The following ABI1 variants were observed in gnomAD, a reference collection of about 807,000 sequenced individuals.
The protein encoded by ABI1 is abl interactor 1.
ABI1 carries 14 observed loss-of-function variants against 54.6 expected under a neutral mutation model. That is an observed-to-expected ratio of 0.26 (90% CI 0.17 to 0.40). The LOEUF (loss-of-function observed/expected upper bound fraction) is 0.40. ABI1 is among the 10% of genes least tolerant of loss of function. The pLI is 1.00. For synonymous variants in ABI1, 194 were observed against 209.3 expected, an observed-to-expected ratio of 0.93 and a Z score of 0.63; for missense variants, 443 against 598.3, an observed-to-expected ratio of 0.74 and a Z score of 2.71.
At chr10:26,755,122 G>C (rs1463949044) in intron 9 of ABI1, among the ~76,000 whole-genome samples, 1 of 152,034 alleles carries the variant, frequency 6.6e-6, no homozygotes, top group Non-Finnish European at 1.5e-5. Flanking sequence ...ACTTATTCCT[G>C]GTCATTCAAT....
chr10:26,857,176 C>A (rs2050886356), intron 1 of ABI1, among the ~76,000 whole-genome samples: 1 of 151,862 alleles, frequency 6.6e-6, no homozygotes, highest in Non-Finnish European at 1.5e-5. Flanking sequence ...AAAAAATTAG[C>A]CAAGCGTGGT....
At chr10:26,771,212 G>A in intron 3 of ABI1, 123 bp from the exon 4 acceptor site, 1 of 991,990 alleles carries the variant, frequency 1.0e-6, no homozygotes, top group South Asian at 1.4e-5. Flanking sequence ...TTCCAGCCAT[G>A]TTTCAACTAC....
In ABI1 at chr10:26,849,955, C is replaced by T. The variant is rs191458500; in HGVS notation, c.117+10792G>A. Among the ~76,000 whole-genome samples the T allele has an allele frequency of 1.2e-3, 180 of 152,224 alleles. 1 individual carries two copies. The South Asian group carries it at 0.015, about 13-fold the overall frequency. On this transcript the variant is annotated intron_variant, in intron 1 of 10. Transcript: ENST00000376140. ...TATTTATTGATATAGTTTCAGAGTCCACACTGTAACTAACCTTTAAGAAAC... is the reference window on the plus strand; with the variant it reads ...TATTTATTGATATAGTTTCAGAGTCTACACTGTAACTAACCTTTAAGAAAC...
chr10:26,818,711 G>A (rs896455114), intron 2 of ABI1, among the ~76,000 whole-genome samples: 6 of 151,282 alleles, frequency 4.0e-5, no homozygotes, highest in African/African-American at 7.3e-5. Context: ...CAAGCCAGGC[G>A]TGGCGACTTA....
At chr10:26,821,006 G>C (rs969502974) in intron 2 of ABI1, among the ~76,000 whole-genome samples, 16 of 151,528 alleles carry the variant, frequency 1.1e-4, no homozygotes, top group African/African-American at 3.6e-4. Context: ...ACTTCGGGAG[G>C]CCAAGGCAGG....
intron 7 of ABI1, 92 bp downstream of exon 7, chr10:26,765,126 A>T (rs1839762861): frequency 2.3e-6 from 2 of 878,320 alleles, no homozygotes; most frequent in East Asian, 5.6e-5. Flanking sequence ...TTAATTAATA[A>T]TTTTACTCAA....
At chr10:26,828,407 A>T (rs1035151078) in intron 1 of ABI1, among the ~76,000 whole-genome samples, 3 of 152,234 alleles carry the variant, frequency 2.0e-5, no homozygotes, top group African/African-American at 7.2e-5. Context: ...CCCTTAGAAA[A>T]ACGGCACCAA....
At chr10:26,818,520 G>C (rs1460813493) in intron 2 of ABI1, among the ~76,000 whole-genome samples, 1 of 150,280 alleles carries the variant, frequency 6.7e-6, no homozygotes, top group Non-Finnish European at 1.5e-5. Flanking sequence ...TGAGACATAA[G>C]AATCACTTGA....
chr10:26,795,219 T>C (rs935808755), intron 2 of ABI1, among the ~76,000 whole-genome samples: 1 of 149,776 alleles, frequency 6.7e-6, no homozygotes, highest in African/African-American at 2.5e-5. Context: ...AGAGATTAAA[T>C]ATGCCAAAAG....
In ABI1 at chr10:26,759,239, C is replaced by T; in HGVS notation, c.821-1G>A. ...GAACCAGGAGCTGAGCCCGGGGCTG[C>T]TGAAAAGCATTAGTCAAAGGCAACC... On this transcript the variant is annotated splice_acceptor_variant, in intron 7 of 10. Coordinates refer to ENST00000376140, the MANE Select transcript of ABI1 (RefSeq NM_001012750.3). LOFTEE classifies it high-confidence loss of function. The T allele has an allele frequency of 6.2e-7, 1 of 1,612,930 alleles. No homozygotes were observed. Among genetic ancestry groups the T allele is most frequent in the South Asian group, 1.1e-5 (1 of 90,884 alleles).
At chr10:26,845,300 T>A (rs762283585) in intron 1 of ABI1, among the ~76,000 whole-genome samples, 6 of 152,180 alleles carry the variant, frequency 3.9e-5, no homozygotes, top group Non-Finnish European at 8.8e-5. Context: ...CCAATTTTCT[T>A]TTTCTTAGAT....
chr10:26,747,079 G>C lies in ABI1; in HGVS notation c.*1491C>G, dbSNP rs1372175443. On this transcript the variant is annotated 3_prime_UTR_variant, in exon 11 of 11. Transcript: ENST00000376140. ...GCATATGAAATAGTCACATTGATTT[G>C]GTAGCAATAATGGTCTTTAATTTTC... The C allele has an allele frequency of 4.4e-6, 1 of 228,368 alleles. No homozygotes were observed. The highest frequency in any genetic ancestry group is 2.2e-5 in the African/African-American group (1 of 44,632). 14.1% of individuals were successfully genotyped at this position (228,368 alleles called of 1,614,324 possible).
chr10:26,835,088 CAAAAAAAAAAAA>C (rs201431383), intron 1 of ABI1, among the ~76,000 whole-genome samples: 46 of 32,140 alleles, frequency 1.4e-3, no homozygotes, highest in Non-Finnish European at 2.4e-3. Context: ...GATTCTACCT[CAAAAAAAAAAAA>C]AAAAAAAAAA....
chr10:26,823,235 T>C lies in ABI1; in HGVS notation c.188A>G (p.Tyr63Cys). The change falls in exon 2 of 11, where the codon TAT becomes TGT. Residue 63 changes from tyrosine to cysteine, a missense_variant. Physicochemically the swap from Tyr to Cys is radical, Grantham distance 194 (BLOSUM62 -2). Coordinates refer to ENST00000376140, the MANE Select transcript of ABI1 (RefSeq NM_001012750.3). ...YTTQSLASVA[Y>C]QINALANNVL... ...ATTGTTGGCCAATGCATTTATTTGA[T>C]AAGCAACACTAGCTAGAGATTGGGT... 4 of 1,605,842 alleles carry C rather than the reference T, an allele frequency of 2.5e-6. No individual in the cohort carries two copies. Among genetic ancestry groups the C allele is most frequent in the Non-Finnish European group, 3.4e-6 (4 of 1,177,450 alleles).
chr10:26,763,752 ATACTTTAAACTTTGTAT>A, intron 7 of ABI1: 1 of 773,712 alleles, frequency 1.3e-6, no homozygotes, highest in Non-Finnish European at 2.1e-6. Flanking sequence ...ATTAGATTTA[ATACTTTAAACTTTGTAT>A]TATCACCTGC....
chr10:26,771,682 A>G (rs1208592843), intron 3 of ABI1, among the ~76,000 whole-genome samples: 1 of 152,202 alleles, frequency 6.6e-6, no homozygotes. Context: ...TCTAACTAAG[A>G]AATAAACAAA....
At chr10:26,847,159 A>G (rs374080282) in intron 1 of ABI1, among the ~76,000 whole-genome samples, 3 of 152,226 alleles carry the variant, frequency 2.0e-5, no homozygotes, top group African/African-American at 7.2e-5. Flanking sequence ...AGCACAATAC[A>G]TATAATTATA....
intron 1 of ABI1, among the ~76,000 whole-genome samples, chr10:26,825,866 T>C (rs917818675): frequency 6.6e-6 from 1 of 152,218 alleles, no homozygotes; most frequent in Admixed American, 6.5e-5. Flanking sequence ...CAAGTTTTCT[T>C]GTGAGATTGC....
intron 6 of ABI1, among the ~76,000 whole-genome samples, chr10:26,766,886 T>C (rs1017581415): frequency 1.3e-5 from 2 of 152,236 alleles, no homozygotes; most frequent in Non-Finnish European, 2.9e-5. Context: ...GTGCTATAAA[T>C]AAAGTTTTAC....
Sources: allele counts gnomAD v4.1 joint callset (sites outside exome capture counted in the v4.1 genomes callset), GRCh38; gene constraint gnomAD v4.1.1; transcripts MANE v1.5; gene names NCBI Gene and HGNC (gene_info 2026-07-23, HGNC 2026-07-21).